Variants in BAZ2B observed in about 807,000 individuals in gnomAD.
BAZ2B encodes the protein bromodomain adjacent to zinc finger domain protein 2B.
A neutral mutation model predicts 246.0 loss-of-function variants in BAZ2B; 91 were observed. The ratio of observed to expected loss-of-function variants is 0.37; its 90% CI spans 0.31 to 0.44. The LOEUF is 0.44. Among genes scored for constraint, BAZ2B ranks in the 20% least tolerant of loss-of-function variants. BAZ2B has a pLI of 1.00. For synonymous variants in BAZ2B, 855 were observed against 860.0 expected (o/e 0.99, Z 0.10); for missense variants, 2,332 against 2,533.7 (o/e 0.92, Z 1.71).
In BAZ2B at chr2:159,386,083, T is replaced by C. The variant is rs530725342; in HGVS notation, c.3471+270A>G. 3.5e-4 allele frequency among the ~76,000 whole-genome samples: 53 copies of C among 152,264 alleles called. 2 individuals are homozygous for C. Among genetic ancestry groups the C allele is most frequent in the Non-Finnish European group, 6.2e-4 (42 of 68,014 alleles). ...AATTATGAATTCTGTTGTTGATGAA[T>C]ATCGCTTAAGGATTTCCTTAAATCA... is the stretch of plus-strand genomic sequence containing the variant. On this transcript the variant is annotated intron_variant, in intron 22 of 36. Coordinates refer to ENST00000392783, the MANE Select transcript of BAZ2B (RefSeq NM_013450.4).
At chr2:159,330,688 T>C (rs955728680) in intron 34 of BAZ2B, among the ~76,000 whole-genome samples, 3 of 143,292 alleles carry the variant, frequency 2.1e-5, no homozygotes, top group Admixed American at 2.1e-4. Flanking sequence ...CGAGAACCCA[T>C]CTCTACAAAA....
At chr2:159,677,201 T>C in the BAZ2B span, among the ~76,000 whole-genome samples, 1 of 151,320 alleles carries the variant, frequency 6.6e-6, no homozygotes, top group Non-Finnish European at 1.5e-5. Flanking sequence ...AAGAAAAAAT[T>C]TGAACTCCTG....
rs914777135 is a variant in BAZ2B, at chr2:159,336,019, G to T, written c.5796+923C>A. On this transcript the variant is annotated intron_variant, in intron 33 of 36. Coordinates refer to ENST00000392783, the MANE Select transcript of BAZ2B (RefSeq NM_013450.4). ...CTTCTAAAAATACAAAAATTAGCCG[G>T]GTATGGTGGTGGGTGCCTGTAATCC... Among the ~76,000 whole-genome samples, 3 of 152,200 alleles carry T rather than the reference G, an allele frequency of 2.0e-5. No homozygotes were observed. In the East Asian group the frequency reaches 5.8e-4, roughly 29 times the overall value.
intron 27 of BAZ2B, among the ~76,000 whole-genome samples, chr2:159,358,700 A>G (rs997106129): frequency 1.3e-5 from 2 of 152,220 alleles, no homozygotes; most frequent in Non-Finnish European, 2.9e-5. Flanking sequence ...AAAATTGACC[A>G]CATAATTGGA....
At chr2:159,611,463 T>A (rs534987943) in intron 1 of BAZ2B, among the ~76,000 whole-genome samples, 1 of 152,042 alleles carries the variant, frequency 6.6e-6, no homozygotes, top group South Asian at 2.1e-4. Context: ...AAGCATAATG[T>A]CTGAATATAA....
intron 13 of BAZ2B, among the ~76,000 whole-genome samples, chr2:159,426,368 A>G (rs1225029150): frequency 6.6e-6 from 1 of 152,160 alleles, no homozygotes; most frequent in Non-Finnish European, 1.5e-5. Context: ...TTTGGCATAA[A>G]TAATACAAGT....
At chr2:159,561,017 A>G (rs2089802952) in intron 1 of BAZ2B, among the ~76,000 whole-genome samples, 1 of 152,190 alleles carries the variant, frequency 6.6e-6, no homozygotes, top group Non-Finnish European at 1.5e-5. Flanking sequence ...GTGTTGTGCA[A>G]CAGAACTTTC....
chr2:159,506,169 G>A (rs186359629), intron 2 of BAZ2B, among the ~76,000 whole-genome samples: 3 of 152,070 alleles, frequency 2.0e-5, no homozygotes, highest in Non-Finnish European at 2.9e-5. Context: ...CCACCCCTCC[G>A]AAAAAATTTC....
At chr2:159,359,546 A>G (rs973172867) in intron 27 of BAZ2B, among the ~76,000 whole-genome samples, 2 of 152,216 alleles carry the variant, frequency 1.3e-5, no homozygotes, top group Non-Finnish European at 1.5e-5. Flanking sequence ...AGCTGCTACC[A>G]TTCCTTTTGA....
rs770716231 is a variant in BAZ2B at position 159,428,333 on chromosome 2, C to T, written c.2342G>A (p.Arg781Lys). The T allele has an allele frequency of 1.2e-6, 2 of 1,612,954 alleles. No homozygotes were observed. The highest frequency in any genetic ancestry group is 1.7e-6 in the Non-Finnish European group (2 of 1,179,488). ...TACCTTTATTACTTCAGGGTACTGC[C>T]TAAGTTTCTTTCCACATGGAGCATA... ...AYYAPCGKKLRQYPEVIKYLS... is the reference protein window; with the variant it reads ...AYYAPCGKKLKQYPEVIKYLS... Residue 781 changes from arginine (R) to lysine (K), a missense_variant, in exon 12 of 37, where the codon AGG (arginine) becomes AAG (lysine). Coordinates refer to ENST00000392783, the MANE Select transcript of BAZ2B (RefSeq NM_013450.4).
chr2:159,412,228 C>G, intron 14 of BAZ2B, 107 bp downstream of exon 14: 1 of 1,175,728 alleles, frequency 8.5e-7, no homozygotes. Context: ...CAACTATTTA[C>G]TTTTTAAAAA....
At chr2:159,708,573 A>ATTTC in the BAZ2B span, among the ~76,000 whole-genome samples, 16 of 110,870 alleles carry the variant, frequency 1.4e-4, no homozygotes, top group Non-Finnish European at 2.3e-4. Flanking sequence ...TTATTTATTT[A>ATTTC]TTTATTTCTT....
intron 2 of BAZ2B, among the ~76,000 whole-genome samples, chr2:159,483,747 C>T (rs1159005115): frequency 6.6e-6 from 1 of 152,112 alleles, no homozygotes; most frequent in African/African-American, 2.4e-5. Flanking sequence ...CACCACTGTA[C>T]TCCATTCTGG....
At position 159,386,537 on chromosome 2, in the gene BAZ2B, A is replaced by G; in HGVS notation, c.3287T>C (p.Val1096Ala). 1.2e-6 allele frequency: 2 copies of G among 1,613,536 alleles called. No homozygotes were observed. Among genetic ancestry groups the G allele is most frequent in the Non-Finnish European group, 8.5e-7 (1 of 1,179,728 alleles). The change falls in exon 22 of 37, where the codon GTG becomes GCG. Residue 1096 changes from valine (V) to alanine (A), a missense_variant. Around this residue, in one of 9 missense-constraint regions of BAZ2B, gnomAD observed 328 missense variants for 410.4 expected, o/e 0.80. Coordinates refer to ENST00000392783, the MANE Select transcript of BAZ2B (RefSeq NM_013450.4). ...ACCAAAGTTTCGTAAGAACTGCACC[A>G]CCATGAGACAGTCTGAAAATGTACT... ...SGSTFSDCLM[V>A]VQFLRNFGKV... is the part of the protein sequence containing the mutation.
intron 1 of BAZ2B, among the ~76,000 whole-genome samples, chr2:159,597,990 G>A (rs202140770): frequency 0.011 from 849 of 79,086 alleles, 8 homozygotes; most frequent in African/African-American, 0.036. Context: ...CCACATAGAC[G>A]TATTCTTTTT....
intron 31 of BAZ2B, among the ~76,000 whole-genome samples, chr2:159,345,660 C>A (rs1467650765): frequency 1.3e-5 from 2 of 152,172 alleles, no homozygotes; most frequent in Admixed American, 1.3e-4. Context: ...TCCCAACCAA[C>A]AGTCAACTAG....
At chr2:159,500,951 C>T (rs998516606) in intron 2 of BAZ2B, among the ~76,000 whole-genome samples, 1 of 140,074 alleles carries the variant, frequency 7.1e-6, no homozygotes, top group Non-Finnish European at 1.5e-5. Context: ...AAGACTCTGT[C>T]TCAAAAAAAA....
intron 1 of BAZ2B, among the ~76,000 whole-genome samples, chr2:159,579,384 G>A (rs1416357901): frequency 1.3e-5 from 2 of 152,160 alleles, no homozygotes; most frequent in Non-Finnish European, 2.9e-5. Flanking sequence ...GGAAGAAGTT[G>A]AATCCCTGAA....
At chr2:159,690,380 A>G in the BAZ2B span, 1 of 173,938 alleles carries the variant, frequency 5.7e-6, no homozygotes, top group Non-Finnish European at 1.2e-5. Context: ...GTCTTTCACA[A>G]GTATTTTAAA....
Sources: allele counts gnomAD v4.1 joint callset (sites outside exome capture counted in the v4.1 genomes callset), GRCh38; gene constraint gnomAD v4.1.1; regional missense constraint gnomAD v4.1.1; transcripts MANE v1.5; gene names NCBI Gene and HGNC (gene_info 2026-07-23, HGNC 2026-07-21).